Variants in SIM2 observed in about 807,000 individuals in gnomAD.
SIM2 encodes SIM bHLH transcription factor 2, also known as single-minded homolog 2.
In SIM2, 28 loss-of-function variants were observed where a neutral mutation model predicts 64.8. That is an observed-to-expected ratio of 0.43 (90% CI 0.32 to 0.59). SIM2 has a LOEUF of 0.59. SIM2 is among the 20% of genes least tolerant of loss of function. The probability of loss-of-function intolerance (pLI) is 0.07; values close to 1 mark genes in which losing one functional copy is unlikely to be tolerated. For synonymous variants in SIM2, 408 were observed against 391.1 expected (o/e 1.04, Z -0.51); for missense variants, 847 against 871.4 (o/e 0.97, Z 0.35).
chr21:36,732,788 A>G (rs2088988794), intron 7 of SIM2, among the ~76,000 whole-genome samples: 2 of 152,198 alleles, frequency 1.3e-5, no homozygotes, highest in Admixed American at 1.3e-4. Flanking sequence ...GGGAGCTAGA[A>G]AGTTTTCTTG....
intron 2 of SIM2, chr21:36,709,718 G>A (rs2088648455): frequency 1.2e-5 from 4 of 322,374 alleles, no homozygotes; most frequent in Non-Finnish European, 2.4e-5. Flanking sequence ...ATATTAACAG[G>A]AGCACTTGTC....
Position 36,726,334 on chromosome 21 carries a change from G to T in SIM2, c.743+16G>T. The T allele has an allele frequency of 1.9e-6, 3 of 1,605,282 alleles. No homozygotes were observed. The highest frequency in any genetic ancestry group is 8.5e-7 in the Non-Finnish European group (1 of 1,175,350). On this transcript the variant is annotated intron_variant, in intron 6 of 10. Coordinates refer to ENST00000290399, the MANE Select transcript of SIM2 (RefSeq NM_005069.6). The surrounding 1 kb of genome is among the most constrained non-coding windows in gnomAD (Gnocchi z 4.5). Reference sequence around the variant, plus strand: ...TGGATTCCAGGTGAGTTCGGCACCTGCCACAGTGGCTGTGGCCTTCTGGAA... The same window carrying T: ...TGGATTCCAGGTGAGTTCGGCACCTTCCACAGTGGCTGTGGCCTTCTGGAA...
chr21:36,736,422 G>T (rs1337434769), intron 7 of SIM2, among the ~76,000 whole-genome samples: 1 of 152,214 alleles, frequency 6.6e-6, no homozygotes, highest in Non-Finnish European at 1.5e-5. Flanking sequence ...CAGCCCGATG[G>T]TTTGCACACG....
chr21:36,722,771 G>A (rs1360356274), intron 4 of SIM2, among the ~76,000 whole-genome samples: 1 of 152,230 alleles, frequency 6.6e-6, no homozygotes, highest in Non-Finnish European at 1.5e-5. Context: ...GGCGACGGCA[G>A]GTGGAGCTCT....
rs2089213734 is a variant in SIM2 at position 36,745,123 on chromosome 21, G to A, written c.1563G>A (p.Val521=). 6.2e-7 allele frequency: 1 copy of A among 1,610,252 alleles called. No homozygotes were observed. The highest frequency in any genetic ancestry group is 1.3e-5 in the African/African-American group (1 of 74,894). ...CGAACACTGCTAGGCACAGCCTGGT[G>A]CCAAGCTACGAAGGTGGGTCAGGTC... The part of the protein sequence containing the change: ...PPANTARHSL[V]PSYEAPAAAV... The change falls in exon 10 of 11, where the codon GTG becomes GTA. Residue 521 remains valine (V), a synonymous_variant. Coordinates refer to ENST00000290399, the MANE Select transcript of SIM2 (RefSeq NM_005069.6). This position sits in a 1 kb window ranked among gnomAD's most constrained non-coding sequence, Gnocchi z 4.8.
chr21:36,742,972 A>G (rs1337197446), intron 8 of SIM2, among the ~76,000 whole-genome samples: 2 of 152,112 alleles, frequency 1.3e-5, no homozygotes, highest in Admixed American at 1.3e-4. Context: ...AGGCTCCCAG[A>G]CCTGTGAAGA....
intron 6 of SIM2, among the ~76,000 whole-genome samples, chr21:36,728,337 A>C (rs2088920000): frequency 1.3e-5 from 2 of 152,334 alleles, no homozygotes; most frequent in Non-Finnish European, 2.9e-5. Flanking sequence ...TGGTCTCCCC[A>C]GAGGAGAGAC....
chr21:36,730,762 C>T (rs532488289), intron 6 of SIM2, among the ~76,000 whole-genome samples: 6 of 152,300 alleles, frequency 3.9e-5, no homozygotes, highest in African/African-American at 7.2e-5. Flanking sequence ...AAGCATTCCC[C>T]GATAAGCTGA....
At chr21:36,714,190 A>G (rs1229847508) in intron 3 of SIM2, among the ~76,000 whole-genome samples, 1 of 152,238 alleles carries the variant, frequency 6.6e-6, no homozygotes, top group East Asian at 1.9e-4. Context: ...TACCCAGACT[A>G]GTTTCTACTT....
At position 36,745,361 on chromosome 21, in the gene SIM2, T is replaced by C; in HGVS notation, c.1576+225T>C. On this transcript the variant is annotated intron_variant, in intron 10 of 10. Transcript: ENST00000290399. The surrounding 1 kb of genome is among the most constrained non-coding windows in gnomAD (Gnocchi z 4.8). ...CCTGCCTCGGGGACACTAGTGACAGTATAAAGGGCAAAGGAAAACCGAGTA... is the reference window on the plus strand; with the variant it reads ...CCTGCCTCGGGGACACTAGTGACAGCATAAAGGGCAAAGGAAAACCGAGTA... 7.1e-7 allele frequency: 1 copy of C among 1,416,922 alleles called. No homozygotes were observed. Among genetic ancestry groups the C allele is most frequent in the Non-Finnish European group, 9.3e-7 (1 of 1,078,192 alleles). 87.8% of individuals were successfully genotyped at this position (1,416,922 alleles called of 1,614,324 possible).
In SIM2 at chr21:36,746,050, T is replaced by C. The variant is rs571368482; in HGVS notation, c.1576+914T>C. 244 of 1,097,534 alleles carry C rather than the reference T, an allele frequency of 2.2e-4. No homozygotes were observed. In the African/African-American group the frequency reaches 3.7e-3, roughly 17 times the overall value. 68.0% of individuals were successfully genotyped at this position (1,097,534 alleles called of 1,614,324 possible). On this transcript the variant is annotated intron_variant, in intron 10 of 10. Transcript: ENST00000290399. Reference sequence around the variant, plus strand: ...TGTGCCCCAGGCCGGGCTCAGTGGCTCACACCTGTAATCCCAGCACTTTGG... The same window carrying C: ...TGTGCCCCAGGCCGGGCTCAGTGGCCCACACCTGTAATCCCAGCACTTTGG...
intron 1 of SIM2, among the ~76,000 whole-genome samples, chr21:36,700,983 G>A (rs1040778783): frequency 6.6e-6 from 1 of 152,254 alleles, no homozygotes. Flanking sequence ...GCCCGGCCAG[G>A]CACCTCCGAG....
In SIM2 at chr21:36,705,445, T is replaced by C. The variant is rs569942062; in HGVS notation, c.176-3723T>C. ...CAGCTCCCCCTGGGGCGGGTGGTAA[T>C]TGGGGGAGGAGAGGCCGCAGGCAGG... On this transcript the variant is annotated intron_variant, in intron 1 of 10. Transcript: ENST00000290399. Among the ~76,000 whole-genome samples, 50 of 152,108 alleles carry C rather than the reference T, an allele frequency of 3.3e-4. No homozygotes were observed. In the South Asian group the frequency reaches 7.3e-3, roughly 22 times the overall value.
At chr21:36,702,871 C>T (rs990810937) in intron 1 of SIM2, among the ~76,000 whole-genome samples, 16 of 142,006 alleles carry the variant, frequency 1.1e-4, no homozygotes, top group Non-Finnish European at 1.7e-4. Context: ...CTGCCAAGGG[C>T]GGTCTTGTCT....
chr21:36,749,702 T>C lies in SIM2; in HGVS notation c.*1610T>C, dbSNP rs1339441903. 1.3e-5 allele frequency: 2 copies of C among 152,200 alleles called. No individual in the cohort carries two copies. Among genetic ancestry groups the C allele is most frequent in the Non-Finnish European group, 2.9e-5 (2 of 68,048 alleles). The allele number at this position is 152,200 out of a possible 1,614,324, so 9.4% of individuals were successfully genotyped here. On this transcript the variant is annotated 3_prime_UTR_variant, in exon 11 of 11. Coordinates refer to ENST00000290399, the MANE Select transcript of SIM2 (RefSeq NM_005069.6). ...CGAGGGTATTATTTTTTTATGTTCA[T>C]GAGTCTTGTAATTAAACCGTGATTC... is the stretch of plus-strand genomic sequence containing the variant.
chr21:36,702,220 G>A (rs1272406007), intron 1 of SIM2, among the ~76,000 whole-genome samples: 5 of 152,208 alleles, frequency 3.3e-5, no homozygotes, highest in East Asian at 1.9e-4. Flanking sequence ...CAGGCCTTGA[G>A]CAGCTTGCAC....
chr21:36,736,018 A>T (rs1601706456), intron 7 of SIM2, among the ~76,000 whole-genome samples: 1 of 152,052 alleles, frequency 6.6e-6, no homozygotes, highest in South Asian at 2.1e-4. Flanking sequence ...CAGACCTGAG[A>T]CTCAAGTCTT....
chr21:36,736,736 C>CCCTTT (rs2089054643), intron 7 of SIM2, among the ~76,000 whole-genome samples: 2 of 147,892 alleles, frequency 1.4e-5, no homozygotes, highest in Non-Finnish European at 3.0e-5. Context: ...TTCCCTCCTT[C>CCCTTT]CCTTCCCTTT....
At chr21:36,706,866 T>A (rs528357951) in intron 1 of SIM2, among the ~76,000 whole-genome samples, 32 of 152,326 alleles carry the variant, frequency 2.1e-4, no homozygotes, top group African/African-American at 7.7e-4. Flanking sequence ...AGAAAAACTA[T>A]AATGATCTAA....
Sources: gnomAD v4.1 joint callset for allele counts (sites outside exome capture counted in the v4.1 genomes callset) on GRCh38, gnomAD v4.1.1 for gene constraint, Gnocchi (gnomAD v3.1) non-coding constraint, MANE v1.5 for transcripts, NCBI Gene and HGNC (gene_info 2026-07-23, HGNC 2026-07-21) for gene names.